Variants in BRSK2 observed in about 807,000 individuals in gnomAD.
BRSK2 encodes the protein serine/threonine-protein kinase BRSK2.
BRSK2 carries 19 observed loss-of-function variants against 83.3 expected under a neutral mutation model. The observed-to-expected ratio is 0.23, with a 90% CI of 0.16 to 0.33. The LOEUF (loss-of-function observed/expected upper bound fraction) is 0.33, where lower values mean the gene tolerates loss of function less well. Ranked by LOEUF, BRSK2 falls within the 10% of genes least tolerant of loss-of-function variation. The pLI is 1.00. For missense variants in BRSK2, 798 were observed against 1,042.3 expected (o/e 0.77, Z 3.23); for synonymous variants, 519 against 435.4 (o/e 1.19, Z -2.39).
At chr11:1,411,435 G>A in intron 1 of BRSK2, 13 of 1,467,932 alleles carry the variant, frequency 8.9e-6, no homozygotes, top group Non-Finnish European at 1.1e-5. Flanking sequence ...CAGCCGATGG[G>A]CACGTCCCCG....
chr11:1,412,778 C>CTG (rs1389219569), intron 1 of BRSK2, among the ~76,000 whole-genome samples: 6 of 152,178 alleles, frequency 3.9e-5, no homozygotes, highest in African/African-American at 1.4e-4. Context: ...GGTGCCCTGG[C>CTG]TGCACAGATC....
At chr11:1,457,802 C>T (rs1260970604) in intron 18 of BRSK2, among the ~76,000 whole-genome samples, 3 of 151,676 alleles carry the variant, frequency 2.0e-5, no homozygotes, top group African/African-American at 7.3e-5. Context: ...CTGTGGGAGC[C>T]CCCCCAGAGT....
intron 10 of BRSK2, 32 bp downstream of exon 10, chr11:1,445,490 G>A (rs3817589): frequency 0.17 from 272,888 of 1,608,962 alleles, 24,170 homozygotes; most frequent in Middle Eastern, 0.2. Context: ...GGTGGGGCAC[G>A]GGGCCTGAGG....
At chr11:1,428,542 G>A (rs940048346) in intron 1 of BRSK2, among the ~76,000 whole-genome samples, 1 of 152,190 alleles carries the variant, frequency 6.6e-6, no homozygotes, top group African/African-American at 2.4e-5. Context: ...CCAGTGCTCC[G>A]AGACTTGGCT....
chr11:1,443,220 AC>A, intron 6 of BRSK2, 81 bp downstream of exon 6: 2 of 1,517,280 alleles, frequency 1.3e-6, no homozygotes, highest in Non-Finnish European at 1.8e-6. Flanking sequence ...AGCCTGCCGC[AC>A]CCCCAGGTGC....
chr11:1,442,435 G>A (rs1851471440), intron 4 of BRSK2, 55 bp from the exon 5 acceptor site: 2 of 1,430,734 alleles, frequency 1.4e-6, no homozygotes, highest in Admixed American at 1.7e-5. Flanking sequence ...TCCAGGGCGG[G>A]GAGGCGCTCA....
chr11:1,422,806 A>G (rs1017346862), intron 1 of BRSK2, among the ~76,000 whole-genome samples: 2 of 151,906 alleles, frequency 1.3e-5, no homozygotes, highest in Non-Finnish European at 1.5e-5. Context: ...CGCCATGTCC[A>G]CTCCCCAAGC....
Position 1,461,204 on chromosome 11 carries a change from C to T in BRSK2, c.*481C>T. The stretch of plus-strand genomic sequence containing the variant: ...CCCGGCCGACCCGGACTCCCGGTCA[C>T]CTGACCCCTCAGCAAGAACAGCCTG... On this transcript the variant is annotated 3_prime_UTR_variant, in exon 20 of 20. Transcript: ENST00000528841. The T allele has an allele frequency of 2.9e-6, 2 of 686,972 alleles. No homozygotes were observed. The highest frequency in any genetic ancestry group is 4.0e-5 in the South Asian group (2 of 49,766). 42.6% of individuals were successfully genotyped at this position (686,972 alleles called of 1,614,324 possible). A position where few individuals can be genotyped will look rare whatever the true frequency, so the allele number is the denominator to read the frequency against.
chr11:1,442,553 C>T lies in BRSK2; in HGVS notation c.477C>T (p.Asp159=). 1 of 1,613,148 alleles carries T rather than the reference C, an allele frequency of 6.2e-7. No homozygotes were observed. The change falls in exon 5 of 20, where the codon GAC becomes GAT. Residue 159 remains aspartate, a synonymous_variant. Coordinates refer to ENST00000528841, the MANE Select transcript of BRSK2 (RefSeq NM_001256627.2). ...AGAAGAACAACATCCGCATCGCAGA[C>T]TTTGGCATGGCGTCCCTGCAGGTTG... ...LDEKNNIRIA[D]FGMASLQVGD... is the part of the protein sequence containing the mutation.
chr11:1,457,801 C>T (rs1192804647), intron 18 of BRSK2, among the ~76,000 whole-genome samples: 1 of 151,414 alleles, frequency 6.6e-6, no homozygotes, highest in African/African-American at 2.4e-5. Flanking sequence ...CCTGTGGGAG[C>T]CCCCCCAGAG....
intron 3 of BRSK2, 128 bp from the exon 4 acceptor site, chr11:1,440,660 C>G (rs892643234): frequency 5.2e-5 from 66 of 1,277,954 alleles, no homozygotes; most frequent in Non-Finnish European, 5.5e-5. Context: ...AGCTGCCCCC[C>G]CAGCCAGCAA....
At chr11:1,391,895 TC>T (rs1845752586) in intron 1 of BRSK2, among the ~76,000 whole-genome samples, 1 of 152,116 alleles carries the variant, frequency 6.6e-6, no homozygotes, top group African/African-American at 2.4e-5. Context: ...TGGTCTCCAC[TC>T]TTCATGGCAT....
At chr11:1,446,187 A>G (rs12282543) in intron 12 of BRSK2, among the ~76,000 whole-genome samples, 31,697 of 113,604 alleles carry the variant, frequency 0.28, 3,489 homozygotes, top group Middle Eastern at 0.41. Context: ...GGGCTGGGCT[A>G]GTTTGGGCTG....
chr11:1,459,795 GCCCCCAGC>G (rs1228665152), intron 19 of BRSK2, among the ~76,000 whole-genome samples: 4 of 152,120 alleles, frequency 2.6e-5, no homozygotes, highest in Non-Finnish European at 5.9e-5. Flanking sequence ...CTAGCTGCTT[GCCCCCAGC>G]CCCCCAGCCT....
At chr11:1,399,619 C>A (rs1053926139) in intron 1 of BRSK2, among the ~76,000 whole-genome samples, 1 of 152,192 alleles carries the variant, frequency 6.6e-6, no homozygotes, top group African/African-American at 2.4e-5. Context: ...GCTGTCCCCC[C>A]AGGGCTCTGG....
At chr11:1,456,118 G>A (rs1846498981) in intron 16 of BRSK2, among the ~76,000 whole-genome samples, 1 of 152,144 alleles carries the variant, frequency 6.6e-6, no homozygotes, top group Admixed American at 6.5e-5. Flanking sequence ...GCCCGGCAGG[G>A]GCTTAGCTGT....
At chr11:1,435,216 T>G in intron 1 of BRSK2, among the ~76,000 whole-genome samples, 1 of 135,504 alleles carries the variant, frequency 7.4e-6, no homozygotes, top group Non-Finnish European at 1.6e-5. Flanking sequence ...AGAGGAGGGG[T>G]GCCGGTGGGG....
At chr11:1,424,084 C>A (rs1298172200) in intron 1 of BRSK2, among the ~76,000 whole-genome samples, 1 of 152,214 alleles carries the variant, frequency 6.6e-6, no homozygotes, top group Non-Finnish European at 1.5e-5. Flanking sequence ...CATTCATGCG[C>A]CCCAGGCACT....
chr11:1,398,787 C>T (rs1434610085), intron 1 of BRSK2, among the ~76,000 whole-genome samples: 1 of 152,076 alleles, frequency 6.6e-6, no homozygotes, highest in African/African-American at 2.4e-5. Flanking sequence ...GGTCCCCGCA[C>T]TCAAGCTTCC....
Sources: allele counts gnomAD v4.1 joint callset (sites outside exome capture counted in the v4.1 genomes callset), GRCh38; gene constraint gnomAD v4.1.1; transcripts MANE v1.5; gene names NCBI Gene and HGNC (gene_info 2026-07-23, HGNC 2026-07-21).